ARID5B: variants seen among roughly 807,000 people sequenced by gnomAD.
ARID5B encodes AT-rich interactive domain-containing protein 5B.
A neutral mutation model predicts 97.2 loss-of-function variants in ARID5B; 13 were observed. That is an observed-to-expected ratio of 0.13 (90% CI 0.09 to 0.21). ARID5B has a LOEUF of 0.21. Among genes scored for constraint, ARID5B ranks in the 10% least tolerant of loss-of-function variants. The pLI is 1.00. For synonymous variants in ARID5B, 556 were observed against 570.3 expected, an observed-to-expected ratio of 0.97 and a Z score of 0.36; for missense variants, 1,210 against 1,465.3, an observed-to-expected ratio of 0.83 and a Z score of 2.84.
chr10:61,928,730 C>T (rs1270303256), intron 2 of ARID5B, among the ~76,000 whole-genome samples: 2 of 152,214 alleles, frequency 1.3e-5, no homozygotes, highest in Non-Finnish European at 2.9e-5. Flanking sequence ...TCTCATTTCA[C>T]CGCTGACCAG....
intron 3 of ARID5B, among the ~76,000 whole-genome samples, chr10:61,977,567 G>GT (rs1380487351): frequency 6.6e-6 from 1 of 152,176 alleles, no homozygotes; most frequent in African/African-American, 2.4e-5. Context: ...GTGTGAGATG[G>GT]TATCTCATTG....
At chr10:62,053,734 A>G (rs943725522) in intron 5 of ARID5B, among the ~76,000 whole-genome samples, 4 of 152,234 alleles carry the variant, frequency 2.6e-5, no homozygotes, top group African/African-American at 7.2e-5. Context: ...CAGGTGGTTT[A>G]TATTCTAAAA....
intron 3 of ARID5B, among the ~76,000 whole-genome samples, chr10:61,976,290 C>A (rs532781682): frequency 6.6e-6 from 1 of 152,066 alleles, no homozygotes; most frequent in African/African-American, 2.4e-5. Flanking sequence ...TTTATATTGC[C>A]GCATGCAGCT....
At chr10:61,986,042 GCCA>G (rs1838842639) in intron 3 of ARID5B, among the ~76,000 whole-genome samples, 1 of 152,058 alleles carries the variant, frequency 6.6e-6, no homozygotes, top group Non-Finnish European at 1.5e-5. Context: ...AATTCTCAAA[GCCA>G]CCAGCCCACT....
chr10:62,026,668 C>T (rs1839424602), intron 4 of ARID5B, among the ~76,000 whole-genome samples: 1 of 152,174 alleles, frequency 6.6e-6, no homozygotes, highest in African/African-American at 2.4e-5. Flanking sequence ...CCCACTCTTC[C>T]CTTCTGCCTT....
chr10:62,054,018 A>C (rs1839824498), intron 5 of ARID5B, among the ~76,000 whole-genome samples: 1 of 152,230 alleles, frequency 6.6e-6, no homozygotes, highest in African/African-American at 2.4e-5. Flanking sequence ...TGGATTAGTT[A>C]TAACTCAATC....
intron 5 of ARID5B, among the ~76,000 whole-genome samples, chr10:62,056,443 TTGCTGGTATTGCTGATGCCAGCATC>T (rs1281316199): frequency 1.3e-5 from 2 of 152,186 alleles, no homozygotes; most frequent in Non-Finnish European, 1.5e-5. Flanking sequence ...AGCAGAGGCC[TTGCTGGTATTGCTGATGCCAGCATC>T]TGCTGGTATT....
chr10:61,982,784 GC>G (rs1386016928), intron 3 of ARID5B, among the ~76,000 whole-genome samples: 3 of 152,190 alleles, frequency 2.0e-5, no homozygotes, highest in Non-Finnish European at 1.5e-5. Flanking sequence ...AACACTGGAA[GC>G]CCCTTGCTTT....
At chr10:61,942,807 A>G (rs1326111622) in intron 3 of ARID5B, among the ~76,000 whole-genome samples, 1 of 152,156 alleles carries the variant, frequency 6.6e-6, no homozygotes, top group Non-Finnish European at 1.5e-5. Flanking sequence ...AAAACAAAAC[A>G]AAACAAAACA....
rs1201566710 is a variant in ARID5B, at chr10:62,092,718, C to T, written c.3255C>T (p.Ser1085=). ...TCTTCCCAGGTCTGTATTCCGGGAG[C>T]CTGTGTAACTCGGGCCTCAACTCCA... ...SPIFPGLYSG[S]LCNSGLNSRL... Residue 1085 remains serine (S), a synonymous_variant, in exon 10 of 10, where the codon AGC becomes AGT. Transcript: ENST00000279873. The T allele has an allele frequency of 6.2e-7, 1 of 1,614,106 alleles. No individual in the cohort carries two copies.
At chr10:61,960,998 A>G (rs1838463080) in intron 3 of ARID5B, among the ~76,000 whole-genome samples, 1 of 152,248 alleles carries the variant, frequency 6.6e-6, no homozygotes, top group Non-Finnish European at 1.5e-5. Flanking sequence ...ATTTAATAAC[A>G]TATAGAATCC....
chr10:61,987,319 C>T (rs1309687590), intron 3 of ARID5B, among the ~76,000 whole-genome samples: 1 of 152,168 alleles, frequency 6.6e-6, no homozygotes, highest in Non-Finnish European at 1.5e-5. Context: ...AAAGAACCAA[C>T]ATTAATTAAA....
At chr10:62,048,566 C>T (rs550134289) in intron 4 of ARID5B, among the ~76,000 whole-genome samples, 1 of 152,274 alleles carries the variant, frequency 6.6e-6, no homozygotes, top group South Asian at 2.1e-4. Context: ...GTTTGTGTGA[C>T]CAGAATATTA....
intron 3 of ARID5B, among the ~76,000 whole-genome samples, chr10:61,984,482 A>G (rs973142802): frequency 4.6e-5 from 7 of 152,198 alleles, no homozygotes; most frequent in African/African-American, 1.7e-4. Context: ...TCTCCCTTGA[A>G]GAGACTTCAT....
Position 61,938,699 on chromosome 10 carries a change from T to A in ARID5B, c.277-1484T>A, listed in dbSNP as rs75706192. 9.3e-3 allele frequency among the ~76,000 whole-genome samples: 1,423 copies of A among 152,272 alleles called. 19 individuals are homozygous for A. The highest frequency in any genetic ancestry group is 0.032 in the African/African-American group (1,345 of 41,550). ...CGATAGAAACACAGTTTCCACTTTG[T>A]CTCCCATTTAGTGGTAGTTCATATT... On this transcript the variant is annotated intron_variant, in intron 2 of 9. Transcript: ENST00000279873.
At chr10:61,975,404 G>C (rs1029929888) in intron 3 of ARID5B, among the ~76,000 whole-genome samples, 2 of 152,188 alleles carry the variant, frequency 1.3e-5, no homozygotes, top group African/African-American at 4.8e-5. Context: ...TAGAAAGTGG[G>C]AGTAGCTCAG....
intron 2 of ARID5B, among the ~76,000 whole-genome samples, chr10:61,936,032 G>T (rs2132789928): frequency 6.6e-6 from 1 of 152,332 alleles, no homozygotes; most frequent in South Asian, 2.1e-4. Flanking sequence ...TAGGATCATT[G>T]TTTTGACCCT....
intron 2 of ARID5B, among the ~76,000 whole-genome samples, chr10:61,917,358 G>T (rs149370046): frequency 2.6e-5 from 4 of 151,876 alleles, no homozygotes; most frequent in African/African-American, 9.7e-5. Context: ...ACAGAGTCTC[G>T]CTCTGTCGCC....
chr10:61,949,114 A>T (rs1838284398), intron 3 of ARID5B, among the ~76,000 whole-genome samples: 1 of 152,216 alleles, frequency 6.6e-6, no homozygotes, highest in South Asian at 2.1e-4. Context: ...GGCTTGCCCA[A>T]ACTGATTTTT....
Sources: gnomAD v4.1 joint callset for allele counts (sites outside exome capture counted in the v4.1 genomes callset) on GRCh38, gnomAD v4.1.1 for gene constraint, MANE v1.5 for transcripts, NCBI Gene and HGNC (gene_info 2026-07-23, HGNC 2026-07-21) for gene names.